The following ANO3 variants were observed in gnomAD, a reference collection of about 807,000 sequenced individuals.
The protein encoded by ANO3 is anoctamin-3.
A neutral mutation model predicts 144.8 loss-of-function variants in ANO3; 99 were observed. The observed-to-expected ratio is 0.68, with a 90% CI of 0.58 to 0.81. The LOEUF is 0.81. Ranked by LOEUF, ANO3 falls within the 30% of genes least tolerant of loss-of-function variation. ANO3 has a pLI of 0.00. For missense variants in ANO3, 905 were observed against 1,202.2 expected, an observed-to-expected ratio of 0.75 and a Z score of 3.66; for synonymous variants, 414 against 392.6, an observed-to-expected ratio of 1.05 and a Z score of -0.64.
At chr11:26,565,856 C>T in intron 14 of ANO3, 1 of 1,606,448 alleles carries the variant, frequency 6.2e-7, no homozygotes, top group Non-Finnish European at 8.5e-7. Flanking sequence ...CTAAGGCCAA[C>T]ATTGTAGGCT....
intron 3 of ANO3, among the ~76,000 whole-genome samples, chr11:26,450,403 C>T (rs1236568548): frequency 6.6e-6 from 1 of 152,130 alleles, no homozygotes; most frequent in Non-Finnish European, 1.5e-5. Context: ...TACTTTAGAA[C>T]AATAGGGCTA....
intron 13 of ANO3, among the ~76,000 whole-genome samples, chr11:26,554,759 C>T (rs1215122631): frequency 1.3e-5 from 2 of 152,090 alleles, no homozygotes; most frequent in Non-Finnish European, 2.9e-5. Context: ...CTGAGTACTG[C>T]CTAGGTTATT....
chr11:26,366,624 T>A lies in ANO3; in HGVS notation c.46+34303T>A, dbSNP rs574804087. ...GTAAAAGTGTTCCTACTTCTCCACATCGTCTCCAGCACCTGTTGTTTCCTG... is the reference window on the plus strand; with the variant it reads ...GTAAAAGTGTTCCTACTTCTCCACAACGTCTCCAGCACCTGTTGTTTCCTG... On this transcript the variant is annotated intron_variant, in intron 1 of 26. Coordinates refer to ENST00000256737, the MANE Select transcript of ANO3 (RefSeq NM_031418.4). Among the ~76,000 whole-genome samples, 4 of 152,250 alleles carry A rather than the reference T, an allele frequency of 2.6e-5. No homozygotes were observed. The East Asian group carries it at 5.8e-4, about 22-fold the overall frequency.
chr11:26,228,836 T>C (rs1451674245), intron 1 of ANO3, among the ~76,000 whole-genome samples: 5 of 152,210 alleles, frequency 3.3e-5, no homozygotes, highest in African/African-American at 1.2e-4. Context: ...CCACTGCCAA[T>C]AGATAGCACT....
chr11:26,575,383 G>A (rs1484337813), intron 14 of ANO3, among the ~76,000 whole-genome samples: 1 of 151,652 alleles, frequency 6.6e-6, no homozygotes, highest in Non-Finnish European at 1.5e-5. Flanking sequence ...TTATTTTAGA[G>A]TACTATGCAA....
intron 1 of ANO3, among the ~76,000 whole-genome samples, chr11:26,273,252 G>A (rs1260411745): frequency 7.0e-6 from 1 of 142,878 alleles, no homozygotes; most frequent in East Asian, 2.0e-4. Flanking sequence ...TTTTATATTG[G>A]ACAATGCCCT....
intron 9 of ANO3, 47 bp downstream of exon 9, chr11:26,534,609 A>G (rs1849457235): frequency 3.0e-6 from 4 of 1,325,496 alleles, no homozygotes; most frequent in Non-Finnish European, 4.3e-6. Flanking sequence ...GTTACTATTT[A>G]TACCCAGAAT....
intron 1 of ANO3, among the ~76,000 whole-genome samples, chr11:26,397,713 C>T (rs1349241825): frequency 2.6e-5 from 4 of 151,988 alleles, no homozygotes; most frequent in Non-Finnish European, 5.9e-5. Context: ...ATTCAGTATC[C>T]TCCTTCTAGA....
intron 17 of ANO3, among the ~76,000 whole-genome samples, chr11:26,602,886 A>G (rs1851840655): frequency 2.0e-5 from 3 of 152,146 alleles, no homozygotes. Flanking sequence ...CTGTGCTGGT[A>G]AGTTTGAAAA....
intron 1 of ANO3, among the ~76,000 whole-genome samples, chr11:26,310,659 T>A (rs1854484071): frequency 6.6e-6 from 1 of 152,254 alleles, no homozygotes; most frequent in African/African-American, 2.4e-5. Context: ...TGTGAATATG[T>A]GTGTTTTGGA....
intron 14 of ANO3, among the ~76,000 whole-genome samples, chr11:26,568,883 G>T (rs293973): frequency 0.27 from 41,662 of 151,700 alleles, 6,005 homozygotes; most frequent in South Asian, 0.41. Context: ...CATTATCTAC[G>T]GCATGTGATC....
intron 1 of ANO3, among the ~76,000 whole-genome samples, chr11:26,205,362 C>T: frequency 6.6e-6 from 1 of 152,130 alleles, no homozygotes; most frequent in East Asian, 1.9e-4. Context: ...TATCATTATT[C>T]CCATTTTACA....
chr11:26,340,837 T>C (rs1028663058), intron 1 of ANO3, among the ~76,000 whole-genome samples: 1 of 152,206 alleles, frequency 6.6e-6, no homozygotes, highest in Non-Finnish European at 1.5e-5. Flanking sequence ...CTAAATGGCA[T>C]TGGCTGTCTT....
At chr11:26,490,241 T>C (rs965654675) in intron 4 of ANO3, among the ~76,000 whole-genome samples, 2 of 152,182 alleles carry the variant, frequency 1.3e-5, no homozygotes, top group African/African-American at 4.8e-5. Flanking sequence ...TCCTTGTTTT[T>C]CTGTTGCTAC....
At chr11:26,598,827 G>T in intron 15 of ANO3, 31 bp from the exon 16 acceptor site, 2 of 1,600,800 alleles carry the variant, frequency 1.2e-6, no homozygotes, top group East Asian at 2.2e-5. Flanking sequence ...TTATGGCTTT[G>T]ATATTTAGAT....
intron 1 of ANO3, among the ~76,000 whole-genome samples, chr11:26,267,204 C>CA (rs1564940926): frequency 2.6e-5 from 4 of 151,088 alleles, no homozygotes; most frequent in African/African-American, 9.8e-5. Flanking sequence ...ACACACACAC[C>CA]CCCAAAATGT....
chr11:26,441,992 G>T lies in ANO3; in HGVS notation c.121G>T (p.Ala41Ser), dbSNP rs150999282. Residue 41 changes from alanine (A) to serine (S), a missense_variant, in exon 2 of 27, where the codon GCC (alanine) becomes TCC (serine). By Grantham distance (99) the Ala-to-Ser change is moderately conservative. Around this residue, in one of 4 missense-constraint regions of ANO3, gnomAD observed 174 missense variants for 171.9 expected, o/e 1.01. Transcript: ENST00000256737. The part of the protein sequence containing the change: ...KPSRRSLPCL[A>S]QSYAYSKSLS... Reference sequence around the variant, plus strand: ...GTCTCGGAGATCCCTGCCTTGCCTCGCCCAGAGCTACGCTTACTCAAAGAG... The same window carrying T: ...GTCTCGGAGATCCCTGCCTTGCCTCTCCCAGAGCTACGCTTACTCAAAGAG... 17 of 1,613,818 alleles carry T rather than the reference G, an allele frequency of 1.1e-5. No homozygotes were observed. The highest frequency in any genetic ancestry group is 1.4e-5 in the Non-Finnish European group (17 of 1,179,964).
At chr11:26,453,823 G>A (rs547171006) in intron 3 of ANO3, among the ~76,000 whole-genome samples, 7 of 152,050 alleles carry the variant, frequency 4.6e-5, no homozygotes, top group Non-Finnish European at 8.8e-5. Context: ...TGACCACATG[G>A]TTGGAAGTAA....
chr11:26,601,389 A>G (rs1191654716), intron 17 of ANO3, among the ~76,000 whole-genome samples: 2 of 152,232 alleles, frequency 1.3e-5, no homozygotes, highest in East Asian at 3.8e-4. Flanking sequence ...ACTCATTATT[A>G]TGAGGACAAT....
Sources: gnomAD v4.1 joint callset for allele counts (sites outside exome capture counted in the v4.1 genomes callset) on GRCh38, gnomAD v4.1.1 for gene constraint, gnomAD v4.1.1 regional missense constraint, MANE v1.5 for transcripts, NCBI Gene and HGNC (gene_info 2026-07-23, HGNC 2026-07-21) for gene names.